The following DSCAM variants were observed in gnomAD, a reference collection of about 807,000 sequenced individuals.
The protein encoded by DSCAM is DS cell adhesion molecule.
Under a neutral mutation model 217.7 loss-of-function variants are expected in DSCAM, and 47 were observed. The observed-to-expected ratio is 0.22, with a 90% CI of 0.17 to 0.28. The LOEUF (loss-of-function observed/expected upper bound fraction) is 0.28, where lower values mean the gene tolerates loss of function less well. DSCAM is among the 10% of genes least tolerant of loss of function. The pLI, the probability that DSCAM is intolerant of heterozygous loss-of-function variation, is 1.00. For missense variants in DSCAM, 2,080 were observed against 2,618.3 expected, an observed-to-expected ratio of 0.79 and a Z score of 4.49; for synonymous variants, 1,056 against 1,015.3, an observed-to-expected ratio of 1.04 and a Z score of -0.76.
Position 40,055,846 on chromosome 21 carries a change from A to G in DSCAM, c.4920-6T>C, listed in dbSNP as rs1345040877. On this transcript the variant is annotated splice_region_variant and splice_polypyrimidine_tract_variant and intron_variant, in intron 28 of 32. Coordinates refer to ENST00000400454, the MANE Select transcript of DSCAM (RefSeq NM_001389.5). The stretch of plus-strand genomic sequence containing the variant: ...CTGAAGTCCGGGTATTCTTACTGGG[A>G]ATAAAATGGGGTAATGCATTAACAA... 2 of 1,607,990 alleles carry G rather than the reference A, an allele frequency of 1.2e-6. No homozygotes were observed. Among genetic ancestry groups the G allele is most frequent in the South Asian group, 2.2e-5 (2 of 90,950 alleles).
intron 11 of DSCAM, among the ~76,000 whole-genome samples, chr21:40,267,307 T>C (rs1345874717): frequency 2.0e-5 from 3 of 152,108 alleles, no homozygotes; most frequent in Non-Finnish European, 4.4e-5. Flanking sequence ...AAAGTAATTA[T>C]GAACAATTAG....
intron 3 of DSCAM, among the ~76,000 whole-genome samples, chr21:40,374,515 G>C (rs1250646220): frequency 2.0e-5 from 3 of 152,190 alleles, no homozygotes; most frequent in African/African-American, 7.2e-5. Context: ...CTGAGCCAAT[G>C]TCACATGACA....
At chr21:40,060,409 C>T (rs1271709832) in intron 28 of DSCAM, among the ~76,000 whole-genome samples, 2 of 152,200 alleles carry the variant, frequency 1.3e-5, no homozygotes, top group South Asian at 4.2e-4. Flanking sequence ...AAATATAGCC[C>T]GCAGTTTCAC....
At chr21:40,769,930 A>G (rs2091429966) in intron 1 of DSCAM, among the ~76,000 whole-genome samples, 1 of 151,994 alleles carries the variant, frequency 6.6e-6, no homozygotes, top group Admixed American at 6.5e-5. Context: ...TCCCCACCTC[A>G]CTACCTGGCT....
intron 3 of DSCAM, among the ~76,000 whole-genome samples, chr21:40,621,794 A>G (rs573167479): frequency 3.3e-5 from 5 of 151,578 alleles, no homozygotes; most frequent in African/African-American, 1.2e-4. Flanking sequence ...AGCTGTTAAG[A>G]ATTGCTGTTT....
chr21:40,213,596 G>C (rs7282686), intron 11 of DSCAM, among the ~76,000 whole-genome samples: 2 of 151,514 alleles, frequency 1.3e-5, no homozygotes, highest in African/African-American at 4.8e-5. Context: ...TGGGTTCCAC[G>C]CAGAAAACAT....
At chr21:40,399,989 A>C (rs1420297306) in intron 3 of DSCAM, among the ~76,000 whole-genome samples, 1 of 152,134 alleles carries the variant, frequency 6.6e-6, no homozygotes, top group Non-Finnish European at 1.5e-5. Context: ...TGGATTCTTC[A>C]ACAGGATTTT....
intron 32 of DSCAM, among the ~76,000 whole-genome samples, chr21:40,018,605 T>A (rs962393533): frequency 6.6e-6 from 1 of 152,192 alleles, no homozygotes; most frequent in African/African-American, 2.4e-5. Context: ...AGTAATAGCA[T>A]TGTGGTCCCG....
chr21:40,117,327 G>C (rs374785283), intron 20 of DSCAM, among the ~76,000 whole-genome samples: 2 of 152,176 alleles, frequency 1.3e-5, no homozygotes, highest in East Asian at 1.9e-4. Flanking sequence ...AGAGATTGTG[G>C]TTATGTCAAA....
At chr21:40,487,241 C>CTCTCTCTT (rs375016246) in intron 3 of DSCAM, among the ~76,000 whole-genome samples, 74 of 148,420 alleles carry the variant, frequency 5.0e-4, no homozygotes, top group East Asian at 2.6e-3. Flanking sequence ...AACTCTCTCT[C>CTCTCTCTT]TCTCTCTTTC....
Position 40,369,102 on chromosome 21 carries a change from A to T in DSCAM, c.652T>A (p.Ser218Thr), listed in dbSNP as rs750342268. 6.2e-7 allele frequency: 1 copy of T among 1,607,210 alleles called. No individual in the cohort carries two copies. Among genetic ancestry groups the T allele is most frequent in the South Asian group, 1.1e-5 (1 of 88,936 alleles). The part of the protein sequence containing the change: ...RQSNSARLFV[S>T]DPANSAPSIL... ...CAGAGTCTTGATAAGTTTTTACCTG[A>T]TACAAAAAGTCTGGCGCTGTTGCTC... The change falls in exon 4 of 33, where the codon TCA becomes ACA. Residue 218 changes from serine (S) to threonine (T), a missense_variant. Physicochemically the swap from Ser to Thr is moderately conservative, Grantham distance 58. Coordinates refer to ENST00000400454, the MANE Select transcript of DSCAM (RefSeq NM_001389.5).
intron 20 of DSCAM, among the ~76,000 whole-genome samples, chr21:40,112,517 A>T (rs927754691): frequency 4.6e-5 from 7 of 152,188 alleles, no homozygotes; most frequent in African/African-American, 1.4e-4. Context: ...CTAGAGAAGC[A>T]AGAGCAAACA....
chr21:40,287,772 C>T (rs1459601321), intron 10 of DSCAM, among the ~76,000 whole-genome samples: 1 of 152,088 alleles, frequency 6.6e-6, no homozygotes, highest in Non-Finnish European at 1.5e-5. Flanking sequence ...ACAGCCAGGC[C>T]CTCTGGGGGA....
chr21:40,197,191 T>TC (rs1277982043), intron 11 of DSCAM, among the ~76,000 whole-genome samples: 3 of 152,092 alleles, frequency 2.0e-5, no homozygotes, highest in Admixed American at 2.0e-4. Context: ...CAATCTTGGC[T>TC]CACTGCAAGC....
chr21:40,784,666 T>C (rs2091577362), intron 1 of DSCAM, among the ~76,000 whole-genome samples: 1 of 152,202 alleles, frequency 6.6e-6, no homozygotes, highest in Non-Finnish European at 1.5e-5. Flanking sequence ...GATTAATTCA[T>C]GGAAGCCCTC....
chr21:40,467,003 T>G (rs1251789192), intron 3 of DSCAM, among the ~76,000 whole-genome samples: 3 of 152,226 alleles, frequency 2.0e-5, no homozygotes, highest in African/African-American at 7.2e-5. Context: ...ATGCCTATAC[T>G]TTCAAGAAGT....
chr21:40,346,208 A>G (rs1408490447), intron 6 of DSCAM, among the ~76,000 whole-genome samples: 1 of 152,230 alleles, frequency 6.6e-6, no homozygotes, highest in Non-Finnish European at 1.5e-5. Context: ...CAAATTGATT[A>G]CTTTCTGCAC....
At chr21:40,811,502 T>A (rs1366949726) in intron 1 of DSCAM, among the ~76,000 whole-genome samples, 1 of 152,052 alleles carries the variant, frequency 6.6e-6, no homozygotes, top group Non-Finnish European at 1.5e-5. Flanking sequence ...TTCTAAAGAG[T>A]TTTAACGTTC....
intron 11 of DSCAM, among the ~76,000 whole-genome samples, chr21:40,202,031 C>T (rs758474893): frequency 4.6e-5 from 7 of 152,150 alleles, no homozygotes; most frequent in Non-Finnish European, 8.8e-5. Context: ...CTACCTTCTA[C>T]TTGGGTGCCC....
Sources: gnomAD v4.1 joint callset for allele counts (sites outside exome capture counted in the v4.1 genomes callset) on GRCh38, gnomAD v4.1.1 for gene constraint, MANE v1.5 for transcripts, NCBI Gene and HGNC (gene_info 2026-07-23, HGNC 2026-07-21) for gene names.